The following ANKRD44 variants were observed in gnomAD, a reference collection of about 807,000 sequenced individuals.
The protein encoded by ANKRD44 is serine/threonine-protein phosphatase 6 regulatory ankyrin repeat subunit B.
A neutral mutation model predicts 116.0 loss-of-function variants in ANKRD44; 35 were observed. That is an observed-to-expected ratio of 0.30 (90% CI 0.23 to 0.40). The LOEUF is 0.40. ANKRD44 is among the 10% of genes least tolerant of loss of function. The pLI is 1.00. For synonymous variants in ANKRD44, 435 were observed against 461.8 expected, an observed-to-expected ratio of 0.94 and a Z score of 0.74; for missense variants, 1,014 against 1,242.6, an observed-to-expected ratio of 0.82 and a Z score of 2.77.
At position 196,993,690 on chromosome 2, in the gene ANKRD44, C is replaced by A; in HGVS notation, c.2832-16G>T. On this transcript the variant is annotated splice_polypyrimidine_tract_variant and intron_variant, in intron 26 of 27. Coordinates refer to ENST00000282272, the MANE Select transcript of ANKRD44 (RefSeq NM_001195144.2). ...GTGGAGGGGTCTAAAAAACACAAGA[C>A]CGAGCATCAGTTGTGATACATATTT... 6.5e-7 allele frequency: 1 copy of A among 1,548,690 alleles called. No individual in the cohort carries two copies. The highest frequency in any genetic ancestry group is 8.7e-7 in the Non-Finnish European group (1 of 1,145,228).
chr2:197,305,967 TTATATATATATATA>T (rs374313668), intron 1 of ANKRD44, among the ~76,000 whole-genome samples: 2 of 124,740 alleles, frequency 1.6e-5, no homozygotes, highest in South Asian at 2.4e-4. Flanking sequence ...GCAGTTCGTT[TTATATATATATATA>T]TATATATATA....
chr2:197,119,450 G>C (rs2078801113), intron 8 of ANKRD44, among the ~76,000 whole-genome samples: 1 of 152,006 alleles, frequency 6.6e-6, no homozygotes, highest in South Asian at 2.1e-4. Context: ...GATCTCACTA[G>C]GTTGCTCAGG....
chr2:196,980,091 G>A (rs1451152747), intron 21 of ANKRD44, among the ~76,000 whole-genome samples: 2 of 152,116 alleles, frequency 1.3e-5, no homozygotes, highest in African/African-American at 4.8e-5. Flanking sequence ...TGACATTGCA[G>A]TAAATTAATT....
At chr2:197,112,448 G>A (rs1406453329) in intron 8 of ANKRD44, among the ~76,000 whole-genome samples, 1 of 152,150 alleles carries the variant, frequency 6.6e-6, no homozygotes, top group African/African-American at 2.4e-5. Flanking sequence ...AGTGGCTCAC[G>A]CCTGTAATCC....
chr2:197,200,614 C>T (rs2081072119), intron 1 of ANKRD44, among the ~76,000 whole-genome samples: 1 of 152,136 alleles, frequency 6.6e-6, no homozygotes, highest in South Asian at 2.1e-4. Flanking sequence ...CTCCAAATCT[C>T]TTCCTTCCCT....
intron 1 of ANKRD44, among the ~76,000 whole-genome samples, chr2:197,270,672 A>G (rs1285737410): frequency 6.6e-6 from 1 of 152,236 alleles, no homozygotes. Context: ...AAGGGCCTCC[A>G]GTCTCACTAG....
intron 21 of ANKRD44, among the ~76,000 whole-genome samples, chr2:196,972,335 C>T (rs1460007495): frequency 3.3e-5 from 5 of 152,186 alleles, no homozygotes. Flanking sequence ...ACCTGAGCAG[C>T]TGGGACTACA....
Position 196,987,297 on chromosome 2 carries a change from G to T in ANKRD44, c.*2294C>A. The T allele has an allele frequency of 1.0e-6, 1 of 985,174 alleles. No individual in the cohort carries two copies. Among genetic ancestry groups the T allele is most frequent in the Non-Finnish European group, 1.2e-6 (1 of 829,736 alleles). 61.0% of individuals were successfully genotyped at this position (985,174 alleles called of 1,614,324 possible). A position where few individuals can be genotyped will look rare whatever the true frequency, so the allele number is the denominator to read the frequency against. On this transcript the variant is annotated 3_prime_UTR_variant, in exon 28 of 28. Coordinates refer to ENST00000282272, the MANE Select transcript of ANKRD44 (RefSeq NM_001195144.2). ...AAGTACAAGGGGAAATAGGAAAAAA[G>T]ACACTTTATACATTCAAAGAAAAGT... is the stretch of plus-strand genomic sequence containing the variant.
intron 13 of ANKRD44, 47 bp from the exon 14 acceptor site, chr2:197,083,556 G>A (rs2077847687): frequency 6.3e-7 from 1 of 1,579,772 alleles, no homozygotes; most frequent in African/African-American, 1.4e-5. Flanking sequence ...CTAGAAAACA[G>A]GCCTGTTGTT....
At chr2:197,108,980 G>A (rs899518218) in intron 9 of ANKRD44, among the ~76,000 whole-genome samples, 1 of 152,184 alleles carries the variant, frequency 6.6e-6, no homozygotes, top group African/African-American at 2.4e-5. Flanking sequence ...CAGTCCCCTG[G>A]GACTGTTGTA....
rs555990506 is a variant in ANKRD44 at position 197,283,682 on chromosome 2, A to C, written c.27+26896T>G. ...AAGTGATGAGTTGTTTTTTTTTCAC[A>C]AAAGTTTAAGGTGGTAATGAAATCA... is the stretch of plus-strand genomic sequence containing the variant. On this transcript the variant is annotated intron_variant, in intron 1 of 27. Transcript: ENST00000282272. Among the ~76,000 whole-genome samples, 3 of 152,162 alleles carry C rather than the reference A, an allele frequency of 2.0e-5. No homozygotes were observed. The East Asian group carries it at 5.8e-4, about 29-fold the overall frequency.
chr2:197,302,668 C>T (rs2083946823), intron 1 of ANKRD44: 1 of 152,156 alleles, frequency 6.6e-6, no homozygotes, highest in African/African-American at 2.4e-5. Flanking sequence ...CTCTTATGCT[C>T]ACTTTCCTTT....
intron 1 of ANKRD44, among the ~76,000 whole-genome samples, chr2:197,283,465 A>T (rs1163970452): frequency 1.3e-5 from 2 of 152,228 alleles, no homozygotes; most frequent in African/African-American, 4.8e-5. Flanking sequence ...CAATTTCCAT[A>T]TAAAGCAATT....
At chr2:197,293,568 T>C (rs1328561575) in intron 1 of ANKRD44, among the ~76,000 whole-genome samples, 2 of 152,164 alleles carry the variant, frequency 1.3e-5, no homozygotes, top group African/African-American at 4.8e-5. Context: ...CTTAAATACA[T>C]CTCACAAAAT....
At chr2:197,075,620 C>A (rs2077649811) in intron 16 of ANKRD44, among the ~76,000 whole-genome samples, 2 of 152,170 alleles carry the variant, frequency 1.3e-5, no homozygotes, top group Non-Finnish European at 1.5e-5. Context: ...TCTATCAAGG[C>A]TAAGGGGTTC....
intron 2 of ANKRD44, among the ~76,000 whole-genome samples, chr2:197,159,225 T>C (rs16862658): frequency 0.02 from 3,106 of 152,322 alleles, 100 homozygotes; most frequent in African/African-American, 0.071. Context: ...TGATTAGTAG[T>C]TCTTTCCAAG....
At chr2:197,174,385 T>C (rs2080314955) in intron 2 of ANKRD44, among the ~76,000 whole-genome samples, 1 of 152,154 alleles carries the variant, frequency 6.6e-6, no homozygotes, top group East Asian at 1.9e-4. Flanking sequence ...GAATATGAAA[T>C]ATATGAAGTA....
intron 1 of ANKRD44, among the ~76,000 whole-genome samples, chr2:197,209,686 G>A (rs771642155): frequency 2.0e-5 from 3 of 152,186 alleles, no homozygotes; most frequent in Non-Finnish European, 4.4e-5. Flanking sequence ...TTAAACATTG[G>A]TTGATTGGTC....
intron 16 of ANKRD44, among the ~76,000 whole-genome samples, chr2:197,027,576 A>T (rs2076621100): frequency 6.6e-6 from 1 of 152,122 alleles, no homozygotes; most frequent in African/African-American, 2.4e-5. Flanking sequence ...GAAGGAAAAC[A>T]AGGAGAACAT....
Sources: allele counts gnomAD v4.1 joint callset (sites outside exome capture counted in the v4.1 genomes callset), GRCh38; gene constraint gnomAD v4.1.1; transcripts MANE v1.5; gene names NCBI Gene and HGNC (gene_info 2026-07-23, HGNC 2026-07-21).